SCRN1: variants seen among roughly 807,000 people sequenced by gnomAD.
SCRN1 encodes secernin-1.
A neutral mutation model predicts 43.3 loss-of-function variants in SCRN1; 19 were observed. The ratio of observed to expected loss-of-function variants is 0.44; its 90% CI spans 0.31 to 0.64. The LOEUF (loss-of-function observed/expected upper bound fraction) is 0.64. SCRN1 is among the 30% of genes least tolerant of loss of function. SCRN1 has a pLI of 0.09. For synonymous variants in SCRN1, 183 were observed against 188.9 expected (o/e 0.97, Z 0.26); for missense variants, 447 against 524.1 (o/e 0.85, Z 1.44).
chr7:29,986,759 C>G (rs1789171158), intron 1 of SCRN1, among the ~76,000 whole-genome samples: 1 of 120,558 alleles, frequency 8.3e-6, no homozygotes, highest in African/African-American at 3.2e-5. Context: ...GAGTCTCGCT[C>G]TGTCGCCCAG....
intron 1 of SCRN1, among the ~76,000 whole-genome samples, chr7:29,976,814 T>G (rs944688214): frequency 2.0e-5 from 3 of 152,224 alleles, no homozygotes; most frequent in East Asian, 1.9e-4. Flanking sequence ...AGGAGCTGCA[T>G]GTACCAGCAT....
In SCRN1 at chr7:29,989,722, T is replaced by A. The variant is rs376263175; in HGVS notation, c.-82A>T. On this transcript the variant is annotated 5_prime_UTR_variant, in exon 1 of 8. Coordinates refer to ENST00000242059, the MANE Select transcript of SCRN1 (RefSeq NM_014766.5). Reference sequence around the variant, plus strand: ...CGCCGAGGGTGCGGGTGCTGCCGGGTCCGGATTACTGCGGCGACCTCGGGG... The same window carrying A: ...CGCCGAGGGTGCGGGTGCTGCCGGGACCGGATTACTGCGGCGACCTCGGGG... 3.0e-6 allele frequency: 3 copies of A among 985,764 alleles called. No homozygotes were observed. In the East Asian group the frequency reaches 3.4e-4, roughly 112 times the overall value. 61.1% of individuals were successfully genotyped at this position (985,764 alleles called of 1,614,324 possible).
At chr7:29,927,319 T>G (rs1186557761) in intron 6 of SCRN1, among the ~76,000 whole-genome samples, 1 of 152,056 alleles carries the variant, frequency 6.6e-6, no homozygotes, top group African/African-American at 2.4e-5. Flanking sequence ...CCTGCATGTG[T>G]GTGTACTTGT....
rs1254173705 is a variant in SCRN1, at chr7:29,923,732, C to T, written c.*225G>A. Reference sequence around the variant, plus strand: ...CACAATTAGTCACACAACCGAACAACAGGCAACGGGATACATGTTACACTG... The same window carrying T: ...CACAATTAGTCACACAACCGAACAATAGGCAACGGGATACATGTTACACTG... On this transcript the variant is annotated 3_prime_UTR_variant, in exon 8 of 8. Transcript: ENST00000242059. 7.6e-5 allele frequency: 36 copies of T among 473,506 alleles called. No homozygotes were observed. In the East Asian group the frequency reaches 9.9e-4, roughly 13 times the overall value. The allele number at this position is 473,506 out of a possible 1,614,324, so 29.3% of individuals were successfully genotyped here. A position where few individuals can be genotyped will look rare whatever the true frequency, so the allele number is the denominator to read the frequency against.
rs1786799754 is a variant in SCRN1, at chr7:29,922,430, T to C, written c.*1527A>G. The C allele has an allele frequency of 6.6e-6, 1 of 152,240 alleles. No homozygotes were observed. Among genetic ancestry groups the C allele is most frequent in the East Asian group, 1.9e-4 (1 of 5,200 alleles). The allele number at this position is 152,240 out of a possible 1,614,324, so 9.4% of individuals were successfully genotyped here. On this transcript the variant is annotated 3_prime_UTR_variant, in exon 8 of 8. Transcript: ENST00000242059. ...GCTTCTGGGAAGGAGTTATTAACCCTGTCACTTCCCAGATTGCTGATACTC... is the reference window on the plus strand; with the variant it reads ...GCTTCTGGGAAGGAGTTATTAACCCCGTCACTTCCCAGATTGCTGATACTC...
intron 1 of SCRN1, among the ~76,000 whole-genome samples, chr7:29,971,209 T>A (rs1337886032): frequency 6.6e-6 from 1 of 152,218 alleles, no homozygotes; most frequent in African/African-American, 2.4e-5. Context: ...CTTAAGTCAC[T>A]TTACCTCTCT....
intron 6 of SCRN1, among the ~76,000 whole-genome samples, chr7:29,927,120 CAG>C (rs1786990448): frequency 6.6e-6 from 1 of 151,760 alleles, no homozygotes. Flanking sequence ...ATATCTCTGA[CAG>C]ACCCAAGGAG....
At chr7:29,954,823 G>C (rs916187724) in intron 3 of SCRN1, among the ~76,000 whole-genome samples, 2 of 152,140 alleles carry the variant, frequency 1.3e-5, no homozygotes, top group East Asian at 3.9e-4. Flanking sequence ...TGGGATTATA[G>C]GCGCCTAGCA....
At chr7:29,936,513 G>A (rs1241397172) in intron 6 of SCRN1, 43 bp downstream of exon 6, 1 of 1,455,204 alleles carries the variant, frequency 6.9e-7, no homozygotes, top group Non-Finnish European at 9.2e-7. Flanking sequence ...GCTTTCAAGG[G>A]AAGCACTTAT....
chr7:29,942,159 CATTCCTACT>C (rs1454673618), intron 4 of SCRN1, among the ~76,000 whole-genome samples: 1 of 152,186 alleles, frequency 6.6e-6, no homozygotes, highest in Non-Finnish European at 1.5e-5. Context: ...ATTTTGACAT[CATTCCTACT>C]AAGTTATTTT....
chr7:29,925,854 C>CAAAA (rs59395122), intron 7 of SCRN1, among the ~76,000 whole-genome samples: 4 of 83,970 alleles, frequency 4.8e-5, no homozygotes, highest in African/African-American at 1.2e-4. Flanking sequence ...ACTAAAAATA[C>CAAAA]AAAAAAAAAA....
At chr7:29,977,653 C>T (rs1788873508) in intron 1 of SCRN1, among the ~76,000 whole-genome samples, 1 of 152,222 alleles carries the variant, frequency 6.6e-6, no homozygotes, top group South Asian at 2.1e-4. Context: ...TGAATTCCAG[C>T]TCCTAATATT....
intron 6 of SCRN1, among the ~76,000 whole-genome samples, chr7:29,931,602 T>C (rs1159832328): frequency 1.3e-5 from 2 of 152,208 alleles, no homozygotes; most frequent in South Asian, 2.1e-4. Flanking sequence ...AAAATACTTT[T>C]TATGCTTTAG....
rs373472332 is a variant in SCRN1 at position 29,957,362 on chromosome 7, T to G, written c.160-2002A>C. Among the ~76,000 whole-genome samples the G allele has an allele frequency of 2.6e-4, 39 of 152,348 alleles. No homozygotes were observed. In the East Asian group the frequency reaches 4.4e-3, roughly 17 times the overall value. ...CTCCCAGGCCTGCCTGCTTCATTCC[T>G]GAAGCATCGTGCCACTGCCTCCTGC... On this transcript the variant is annotated intron_variant, in intron 2 of 7. Coordinates refer to ENST00000242059, the MANE Select transcript of SCRN1 (RefSeq NM_014766.5).
chr7:29,978,326 G>A (rs528897883), intron 1 of SCRN1, among the ~76,000 whole-genome samples: 1 of 152,288 alleles, frequency 6.6e-6, no homozygotes, highest in Non-Finnish European at 1.5e-5. Context: ...TCAAAGATCT[G>A]GCAACACCAA....
upstream of SCRN1, chr7:29,989,903 A>G (rs1789312983): frequency 3.1e-6 from 3 of 953,174 alleles, no homozygotes; most frequent in Admixed American, 1.2e-4. Flanking sequence ...GCCCCGCCGC[A>G]CCCCGCGCGT....
At chr7:29,951,164 T>C (rs1787907341) in intron 3 of SCRN1, among the ~76,000 whole-genome samples, 1 of 152,224 alleles carries the variant, frequency 6.6e-6, no homozygotes, top group Admixed American at 6.5e-5. Context: ...GGCACCACGT[T>C]TCTTGGTGAC....
At chr7:29,943,335 C>A (rs202082169) in intron 4 of SCRN1, among the ~76,000 whole-genome samples, 3 of 152,088 alleles carry the variant, frequency 2.0e-5, no homozygotes, top group African/African-American at 7.2e-5. Flanking sequence ...GGTGGGGATA[C>A]AAAACTACCA....
intron 3 of SCRN1, among the ~76,000 whole-genome samples, chr7:29,949,932 CCTAAAGTGGTGATAG>C (rs1189108472): frequency 2.0e-5 from 3 of 152,198 alleles, no homozygotes; most frequent in Admixed American, 2.0e-4. Flanking sequence ...TGACTCGCCT[CCTAAAGTGGTGATAG>C]CAGTGGTGGC....
Sources: allele counts gnomAD v4.1 joint callset (sites outside exome capture counted in the v4.1 genomes callset), GRCh38; gene constraint gnomAD v4.1.1; transcripts MANE v1.5; gene names NCBI Gene and HGNC (gene_info 2026-07-23, HGNC 2026-07-21).